PGLS: variants seen among roughly 807,000 people sequenced by gnomAD.
PGLS encodes the protein epididymis secretory protein Li 304.
PGLS carries 21 observed loss-of-function variants against 23.2 expected under a neutral mutation model. That is an observed-to-expected ratio of 0.91 (90% CI 0.64 to 1.31). The LOEUF is 1.31. Among genes scored for constraint, PGLS ranks in the 50% most tolerant of loss-of-function variants. The pLI is 0.00. For synonymous variants in PGLS, 179 were observed against 165.4 expected (o/e 1.08, Z -0.63); for missense variants, 410 against 354.0 (o/e 1.16, Z -1.27).
intron 1 of PGLS, among the ~76,000 whole-genome samples, chr19:17,515,371 G>A (rs953962662): frequency 1.3e-5 from 2 of 152,116 alleles, no homozygotes; most frequent in African/African-American, 4.8e-5. Flanking sequence ...ACGAGGCACC[G>A]AGACATGGAC....
intron 4 of PGLS, among the ~76,000 whole-genome samples, 174 bp downstream of exon 4, chr19:17,518,024 A>T (rs1338297753): frequency 7.1e-6 from 1 of 140,472 alleles, no homozygotes; most frequent in Non-Finnish European, 1.5e-5. Context: ...AAAAAAAAAA[A>T]ACCCCAGAAA....
chr19:17,518,453 A>G (rs551690544), intron 4 of PGLS: 1 of 152,330 alleles, frequency 6.6e-6, no homozygotes, highest in East Asian at 1.9e-4. Flanking sequence ...AAATAATTAA[A>G]AAGGTTTTAG....
chr19:17,516,125 C>T (rs1368151423), intron 1 of PGLS, 48 bp from the exon 2 acceptor site: 1 of 1,389,476 alleles, frequency 7.2e-7, no homozygotes, highest in East Asian at 2.3e-5. Context: ...CTGGAGGATC[C>T]AGGTGGTCAC....
intron 1 of PGLS, chr19:17,512,173 C>G (rs1036049591): frequency 1.9e-6 from 1 of 530,816 alleles, no homozygotes; most frequent in East Asian, 3.6e-5. Context: ...CCAAGAGGGC[C>G]GCGCCCACCG....
chr19:17,511,820 C>G lies in PGLS; in HGVS notation c.148C>G (p.Leu50Val). 1 of 1,516,524 alleles carries G rather than the reference C, an allele frequency of 6.6e-7. No individual in the cohort carries two copies. Among genetic ancestry groups the G allele is most frequent in the Non-Finnish European group, 8.8e-7 (1 of 1,136,598 alleles). 93.9% of individuals were successfully genotyped at this position (1,516,524 alleles called of 1,614,324 possible). ...CGCGCTCGGCCTGTCGGGCGGGAGC[C>G]TCGTCTCGATGCTAGCCCGCGAGCT... ...RFALGLSGGS[L>V]VSMLARELPA... is the part of the protein sequence containing the mutation. The change falls in exon 1 of 5, where the codon CTC becomes GTC. Residue 50 changes from leucine to valine, a missense_variant. Coordinates refer to ENST00000252603, the MANE Select transcript of PGLS (RefSeq NM_012088.3).
At chr19:17,520,138 G>T (rs906631566) in intron 4 of PGLS, among the ~76,000 whole-genome samples, 3 of 148,354 alleles carry the variant, frequency 2.0e-5, no homozygotes, top group African/African-American at 5.1e-5. Flanking sequence ...GGATGACAGC[G>T]CAAGACCTTG....
chr19:17,517,097 C>A lies in PGLS; in HGVS notation c.397-191C>A, dbSNP rs571654070. 6.6e-5 allele frequency among the ~76,000 whole-genome samples: 10 copies of A among 151,706 alleles called. No homozygotes were observed. The East Asian group carries it at 1.8e-3, about 27-fold the overall frequency. On this transcript the variant is annotated intron_variant, in intron 2 of 4. Coordinates refer to ENST00000252603, the MANE Select transcript of PGLS (RefSeq NM_012088.3). Reference sequence around the variant, plus strand: ...ACAGGGTTTCATCATGTTGGCCAGGCTGGTCTTGAACTCCTGACCTCGTGA... The same window carrying A: ...ACAGGGTTTCATCATGTTGGCCAGGATGGTCTTGAACTCCTGACCTCGTGA...
chr19:17,520,828 T>C lies in PGLS; in HGVS notation c.640-116T>C, dbSNP rs912811577. The C allele has an allele frequency of 6.0e-6, 7 of 1,170,500 alleles. No individual in the cohort carries two copies. In the African/African-American group the frequency reaches 1.1e-4, roughly 19 times the overall value. The allele number at this position is 1,170,500 out of a possible 1,614,324, so 72.5% of individuals were successfully genotyped here. ...GCACTAGGACAGCTGAGCTGGGCATTGTCACATTTTGAGGATACAAGAGTC... is the reference window on the plus strand; with the variant it reads ...GCACTAGGACAGCTGAGCTGGGCATCGTCACATTTTGAGGATACAAGAGTC... On this transcript the variant is annotated intron_variant, in intron 4 of 4. Transcript: ENST00000252603.
At chr19:17,512,128 C>T (rs2075511004) in intron 1 of PGLS, 168 bp downstream of exon 1, 1 of 723,698 alleles carries the variant, frequency 1.4e-6, no homozygotes, top group Non-Finnish European at 2.1e-6. Flanking sequence ...TGCCCACTGC[C>T]TGCACCTCGG....
chr19:17,516,189 G>A lies in PGLS; in HGVS notation c.305G>A (p.Arg102Lys), dbSNP rs867374234. 6.2e-6 allele frequency: 10 copies of A among 1,613,800 alleles called. No individual in the cohort carries two copies. In the African/African-American group the frequency reaches 8.0e-5, roughly 13 times the overall value. Reference protein sequence around the residue: ...YGLYRTHLLSRLPIPESQVIT... With the variant: ...YGLYRTHLLSKLPIPESQVIT... ...TGGCTGCAGACGCATCTTCTCTCCA[G>A]ACTGCCGATCCCAGAAAGCCAGGTG... The change falls in exon 2 of 5, where the codon AGA becomes AAA. Residue 102 changes from arginine (R) to lysine (K), a missense_variant. Arg to Lys is a conservative substitution (Grantham distance 26). Coordinates refer to ENST00000252603, the MANE Select transcript of PGLS (RefSeq NM_012088.3).
In PGLS at chr19:17,516,670, C is replaced by T. The variant is rs577747395; in HGVS notation, c.396+390C>T. Among the ~76,000 whole-genome samples the T allele has an allele frequency of 1.0e-3, 151 of 151,720 alleles. 4 individuals carry two copies. In the South Asian group the frequency reaches 0.028, roughly 28 times the overall value. On this transcript the variant is annotated intron_variant, in intron 2 of 4. Transcript: ENST00000252603. ...CGTGATCATGGCTCACTGCAAGCTC[C>T]GCCTCCCGGGTTCACACCATTCTCC...
Position 17,517,298 on chromosome 19 carries a change from G to C in PGLS, c.407G>C (p.Gly136Ala). The C allele has an allele frequency of 6.2e-7, 1 of 1,613,514 alleles. No individual in the cohort carries two copies. Among genetic ancestry groups the C allele is most frequent in the East Asian group, 2.2e-5 (1 of 44,860 alleles). ...TCTCCCCACGCCCAGGCATTCCAAGGGGACTCCATCCCGGTTTTCGACCTG... is the reference window on the plus strand; with the variant it reads ...TCTCCCCACGCCCAGGCATTCCAAGCGGACTCCATCCCGGTTTTCGACCTG... ...YAKKLRQAFQ[G>A]DSIPVFDLLI... Residue 136 changes from glycine (G) to alanine (A), a missense_variant, in exon 3 of 5, where the codon GGG (glycine) becomes GCG (alanine). Coordinates refer to ENST00000252603, the MANE Select transcript of PGLS (RefSeq NM_012088.3).
chr19:17,518,284 T>C (rs2075542657), intron 4 of PGLS: 1 of 153,452 alleles, frequency 6.5e-6, no homozygotes, highest in Non-Finnish European at 1.4e-5. Flanking sequence ...GGTTAATATA[T>C]TTTAAACTTT....
intron 1 of PGLS, among the ~76,000 whole-genome samples, chr19:17,514,533 C>G (rs2075524263): frequency 6.6e-6 from 1 of 151,552 alleles, no homozygotes; most frequent in Admixed American, 6.6e-5. Flanking sequence ...GTTGTGTTGC[C>G]CAGGCTGGAG....
chr19:17,511,721 GAGCTGGGTGCGGCGCTAGCGC>G lies in PGLS; in HGVS notation c.56_76del (p.Gly19_Leu25del). Reference sequence around the variant, plus strand: ...CATCTCGGTGTTCTCGAGTTCCCAGGAGCTGGGTGCGGCGCTAGCGCAGCTGGTGGCCCAGCGCGCAGCATG... The same window carrying G: ...CATCTCGGTGTTCTCGAGTTCCCAGGAGCTGGTGGCCCAGCGCGCAGCATG... On this transcript the variant is annotated inframe_deletion, in exon 1 of 5. Coordinates refer to ENST00000252603, the MANE Select transcript of PGLS (RefSeq NM_012088.3). 1 of 1,509,600 alleles carries G rather than the reference GAGCTGGGTGCGGCGCTAGCGC, an allele frequency of 6.6e-7. No homozygotes were observed. The highest frequency in any genetic ancestry group is 8.8e-7 in the Non-Finnish European group (1 of 1,135,880). 93.5% of individuals were successfully genotyped at this position (1,509,600 alleles called of 1,614,324 possible). A position where few individuals can be genotyped will look rare whatever the true frequency, so the allele number is the denominator to read the frequency against.
chr19:17,514,322 C>T (rs1045408597), intron 1 of PGLS, among the ~76,000 whole-genome samples: 6 of 152,224 alleles, frequency 3.9e-5, no homozygotes, highest in Admixed American at 3.9e-4. Context: ...GTCTTCTCAT[C>T]TTATATAAGG....
chr19:17,516,259 C>G lies in PGLS; in HGVS notation c.375C>G (p.Asp125Glu), dbSNP rs45597532. ...TGCCTGTGGAGGAGGCGGCTGAGGA[C>G]TACGCCAAGAAGCTGAGACAGGTGA... ...PELPVEEAAE[D>E]YAKKLRQAFQ... Residue 125 changes from aspartate (D) to glutamate (E), a missense_variant, in exon 2 of 5, where the codon GAC becomes GAG. Coordinates refer to ENST00000252603, the MANE Select transcript of PGLS (RefSeq NM_012088.3). 2.2e-3 allele frequency: 3,597 copies of G among 1,613,944 alleles called. 5 individuals carry two copies. Among genetic ancestry groups the G allele is most frequent in the Non-Finnish European group, 2.8e-3 (3,345 of 1,179,870 alleles).
chr19:17,517,485 T>C, intron 3 of PGLS, 96 bp downstream of exon 3: 2 of 1,073,330 alleles, frequency 1.9e-6, no homozygotes, highest in South Asian at 2.8e-5. Flanking sequence ...GTGGGGTGTC[T>C]AGAGCCAGGG....
At chr19:17,516,563 C>T (rs181645550) in intron 2 of PGLS, 18 of 1,044,462 alleles carry the variant, frequency 1.7e-5, no homozygotes, top group East Asian at 1.4e-4. Context: ...CTGTTTCCTG[C>T]GTTACAGCTA....
Sources: allele counts gnomAD v4.1 joint callset (sites outside exome capture counted in the v4.1 genomes callset), GRCh38; gene constraint gnomAD v4.1.1; transcripts MANE v1.5; gene names NCBI Gene and HGNC (gene_info 2026-07-23, HGNC 2026-07-21).